Variants in SYTL3 observed in about 807,000 individuals in gnomAD.
SYTL3 encodes the protein synaptotagmin-like protein 3.
In SYTL3, 88 loss-of-function variants were observed where a neutral mutation model predicts 82.1. The observed-to-expected ratio is 1.07, with a 90% CI of 0.90 to 1.28. The LOEUF is 1.28. Among genes scored for constraint, SYTL3 ranks in the 50% most tolerant of loss-of-function variants. SYTL3 has a pLI of 0.00. For synonymous variants in SYTL3, 311 were observed against 289.4 expected (o/e 1.07, Z -0.76); for missense variants, 831 against 757.6 (o/e 1.10, Z -1.14).
At chr6:158,716,227 AT>A (rs1783408222) in intron 9 of SYTL3, among the ~76,000 whole-genome samples, 1 of 152,178 alleles carries the variant, frequency 6.6e-6, no homozygotes, top group Admixed American at 6.5e-5. Flanking sequence ...AGCAATCTGC[AT>A]TTCTTTCTCT....
At chr6:158,717,304 A>C in intron 9 of SYTL3, among the ~76,000 whole-genome samples, 1 of 103,522 alleles carries the variant, frequency 9.7e-6, no homozygotes. Flanking sequence ...AGTTAATTTT[A>C]CCTGTTTTTT....
intron 13 of SYTL3, among the ~76,000 whole-genome samples, chr6:158,756,798 C>T (rs1489221703): frequency 7.8e-6 from 1 of 127,416 alleles, no homozygotes; most frequent in African/African-American, 3.0e-5. Flanking sequence ...TGGCTGGGTG[C>T]AGTGTTTAGA....
chr6:158,722,762 GTTTT>G lies in SYTL3; in HGVS notation c.721-2718_721-2715del, dbSNP rs34189391. Among the ~76,000 whole-genome samples the G allele has an allele frequency of 9.0e-4, 73 of 80,874 alleles. 1 individual carries two copies. The highest frequency in any genetic ancestry group is 1.5e-3 in the Non-Finnish European group (66 of 43,852). 53.1% of individuals were successfully genotyped at this position (80,874 alleles called of 152,430 possible). A position where few individuals can be genotyped will look rare whatever the true frequency, so the allele number is the denominator to read the frequency against. On this transcript the variant is annotated intron_variant, in intron 10 of 17. Coordinates refer to ENST00000611299, the MANE Select transcript of SYTL3 (RefSeq NM_001242394.2). ...AGGAAAAAGATTTTCTCTCTTTTCT[GTTTT>G]TTTTTTTTTTTTTTTTTTTTTTAAG...
intron 6 of SYTL3, among the ~76,000 whole-genome samples, chr6:158,686,302 T>G (rs1449127216): frequency 6.6e-6 from 1 of 152,200 alleles, no homozygotes; most frequent in Non-Finnish European, 1.5e-5. Flanking sequence ...TAAATCATTC[T>G]TTTTTGCTGA....
chr6:158,716,535 G>A (rs1372486377), intron 9 of SYTL3, among the ~76,000 whole-genome samples: 4 of 152,184 alleles, frequency 2.6e-5, no homozygotes, highest in African/African-American at 4.8e-5. Flanking sequence ...GCTGGCCTTA[G>A]AAAGATCCCC....
At chr6:158,685,089 G>C (rs1412300657) in intron 6 of SYTL3, among the ~76,000 whole-genome samples, 2 of 152,106 alleles carry the variant, frequency 1.3e-5, no homozygotes, top group Admixed American at 6.6e-5. Context: ...AAATAGGTAA[G>C]ATTTGCTACC....
chr6:158,678,493 T>G (rs1778307924), intron 5 of SYTL3, among the ~76,000 whole-genome samples: 1 of 152,222 alleles, frequency 6.6e-6, no homozygotes, highest in African/African-American at 2.4e-5. Context: ...TTGGTGTTAG[T>G]AATGAGGTCA....
In SYTL3 at chr6:158,664,405, C is replaced by T. The variant is rs545840486; in HGVS notation, c.111-990C>T. On this transcript the variant is annotated intron_variant, in intron 4 of 17. Transcript: ENST00000611299. ...ACTAAAAATACAAAAATTAGCCGGG[C>T]GGTGGCAGGTGCCTGTAATCCCAGC... 7.2e-5 allele frequency among the ~76,000 whole-genome samples: 11 copies of T among 152,060 alleles called. No individual in the cohort carries two copies. In the South Asian group the frequency reaches 1.7e-3, roughly 23 times the overall value.
At chr6:158,659,598 G>A (rs1174470416) in intron 2 of SYTL3, among the ~76,000 whole-genome samples, 11 of 152,184 alleles carry the variant, frequency 7.2e-5, no homozygotes, top group Middle Eastern at 3.4e-3. Flanking sequence ...CAGTTGATCC[G>A]CCCGCCTCGG....
In SYTL3 at chr6:158,719,388, G is replaced by A. The variant is rs141280663; in HGVS notation, c.720+1177G>A. On this transcript the variant is annotated intron_variant, in intron 10 of 17. Transcript: ENST00000611299. ...TGATTCCCAGCTCTTATGAGTATAG[G>A]GGGTCACTGGGGCTCTTAAAATGCA... is the stretch of plus-strand genomic sequence containing the variant. 4.3e-4 allele frequency among the ~76,000 whole-genome samples: 66 copies of A among 152,254 alleles called. No individual in the cohort carries two copies. The East Asian group carries it at 0.012, about 27-fold the overall frequency.
At position 158,752,026 on chromosome 6, in the gene SYTL3, T is replaced by C; in HGVS notation, c.1133T>C (p.Leu378Ser). 1 of 1,591,832 alleles carries C rather than the reference T, an allele frequency of 6.3e-7. No individual in the cohort carries two copies. Among genetic ancestry groups the C allele is most frequent in the Middle Eastern group, 1.7e-4 (1 of 6,004 alleles). ...GTGGACCCGACCTTTCAGGAGACCT[T>C]GAAGGTACTTGCTGGACAGATATTC... ...NTVDPTFQET[L>S]KYQVAPAQLV... Residue 378 changes from leucine to serine, a missense_variant, in exon 13 of 18, where the codon TTG becomes TCG. Physicochemically the swap from Leu to Ser is moderately radical, Grantham distance 145. Transcript: ENST00000611299.
chr6:158,742,711 G>T (rs761079264), intron 11 of SYTL3, among the ~76,000 whole-genome samples: 1 of 152,018 alleles, frequency 6.6e-6, no homozygotes, highest in Non-Finnish European at 1.5e-5. Flanking sequence ...GAGTAGCTGG[G>T]ACTGGACTAC....
At position 158,731,738 on chromosome 6, in the gene SYTL3, C is replaced by T. The variant is rs1026686102; in HGVS notation, c.855+6101C>T. On this transcript the variant is annotated intron_variant, in intron 11 of 17. Transcript: ENST00000611299. ...CCTCCCAAGTAGCTAGGACTACAGG[C>T]GCCCGCCACCATGCCTGGCTAATTT... Among the ~76,000 whole-genome samples, 7 of 152,122 alleles carry T rather than the reference C, an allele frequency of 4.6e-5. No homozygotes were observed. In the South Asian group the frequency reaches 6.2e-4, roughly 14 times the overall value.
intron 2 of SYTL3, among the ~76,000 whole-genome samples, chr6:158,654,135 C>T (rs1788390688): frequency 1.3e-5 from 2 of 152,188 alleles, no homozygotes. Context: ...CTGTCCCACA[C>T]GTCTCTCCCT....
At position 158,761,412 on chromosome 6, in the gene SYTL3, C is replaced by T. The variant is rs531690220; in HGVS notation, c.1415-664C>T. On this transcript the variant is annotated intron_variant, in intron 15 of 17. Transcript: ENST00000611299. ...TCGCCTCCCTGATTCATGCCATTCT[C>T]CTGCCTCAGCCTCCCGAGTACCTGG... 9.9e-4 allele frequency among the ~76,000 whole-genome samples: 148 copies of T among 150,116 alleles called. No individual in the cohort carries two copies. The Middle Eastern group carries it at 0.01, about 10-fold the overall frequency.
Position 158,745,354 on chromosome 6 carries a change from T to C in SYTL3, c.856-126T>C, listed in dbSNP as rs1363285479. ...TTTGGCAAAGTACAAGCTGGTGCAT[T>C]ATTAACTTGATGTGAGTCAGGATAC... On this transcript the variant is annotated intron_variant, in intron 11 of 17. Coordinates refer to ENST00000611299, the MANE Select transcript of SYTL3 (RefSeq NM_001242394.2). 6 of 826,418 alleles carry C rather than the reference T, an allele frequency of 7.3e-6. No homozygotes were observed. The East Asian group carries it at 1.4e-4, about 19-fold the overall frequency. 51.2% of individuals were successfully genotyped at this position (826,418 alleles called of 1,614,324 possible). A position where few individuals can be genotyped will look rare whatever the true frequency, so the allele number is the denominator to read the frequency against.
At chr6:158,671,095 C>CACCTA (rs1562357256) in intron 5 of SYTL3, among the ~76,000 whole-genome samples, 1 of 151,752 alleles carries the variant, frequency 6.6e-6, no homozygotes, top group Middle Eastern at 3.2e-3. Context: ...TGAGCCACGG[C>CACCTA]GCCCGGCCTA....
intron 2 of SYTL3, among the ~76,000 whole-genome samples, chr6:158,657,811 A>C (rs1361015616): frequency 6.9e-6 from 1 of 145,452 alleles, no homozygotes; most frequent in Non-Finnish European, 1.5e-5. Context: ...AACAATAAAA[A>C]ATTCTTGTTA....
chr6:158,725,032 A>G (rs1784536024), intron 10 of SYTL3, among the ~76,000 whole-genome samples: 1 of 152,200 alleles, frequency 6.6e-6, no homozygotes, highest in Non-Finnish European at 1.5e-5. Flanking sequence ...AAAAAAAGAA[A>G]GAAAAAATAA....
Sources: gnomAD v4.1 joint callset for allele counts (sites outside exome capture counted in the v4.1 genomes callset) on GRCh38, gnomAD v4.1.1 for gene constraint, MANE v1.5 for transcripts, NCBI Gene and HGNC (gene_info 2026-07-23, HGNC 2026-07-21) for gene names.